Variants in NLGN1 observed in about 807,000 individuals in gnomAD.
NLGN1 encodes the protein neuroligin-1.
In NLGN1, 12 loss-of-function variants were observed where a neutral mutation model predicts 65.5. The observed-to-expected ratio is 0.18, with a 90% CI of 0.12 to 0.30. The LOEUF (loss-of-function observed/expected upper bound fraction) is 0.30. Ranked by LOEUF, NLGN1 falls within the 10% of genes least tolerant of loss-of-function variation. The pLI, the probability that NLGN1 is intolerant of heterozygous loss-of-function variation, is 1.00. For missense variants in NLGN1, 750 were observed against 1,007.1 expected (o/e 0.74, Z 3.46); for synonymous variants, 350 against 359.5 (o/e 0.97, Z 0.30).
At chr3:174,108,532 A>G (rs1354892141) in intron 4 of NLGN1, among the ~76,000 whole-genome samples, 2 of 152,006 alleles carry the variant, frequency 1.3e-5, no homozygotes, top group Non-Finnish European at 2.9e-5. Context: ...AAAAAAAATT[A>G]TTCAGGAACT....
chr3:173,591,898 C>A (rs990746551), intron 2 of NLGN1, among the ~76,000 whole-genome samples: 27 of 152,264 alleles, frequency 1.8e-4, no homozygotes, highest in Non-Finnish European at 3.5e-4. Flanking sequence ...CAAAGGTGGC[C>A]CCTTCCAGAC....
chr3:174,201,204 C>G (rs1734387803), intron 4 of NLGN1, among the ~76,000 whole-genome samples: 1 of 151,446 alleles, frequency 6.6e-6, no homozygotes, highest in African/African-American at 2.4e-5. Flanking sequence ...GATTGCACCA[C>G]TGCACTCCAG....
At position 174,154,846 on chromosome 3, in the gene NLGN1, T is replaced by C. The variant is rs891587130; in HGVS notation, c.647-120469T>C. Among the ~76,000 whole-genome samples the C allele has an allele frequency of 2.7e-3, 394 of 146,138 alleles. 4 individuals carry two copies. The highest frequency in any genetic ancestry group is 9.6e-3 in the African/African-American group (379 of 39,556). On this transcript the variant is annotated intron_variant, in intron 4 of 6. Coordinates refer to ENST00000457714, the Ensembl canonical transcript of NLGN1. The stretch of plus-strand genomic sequence containing the variant: ...TAGATATATAGATATTGTAGATAGA[T>C]ATATTGTAGATAGATATAGTATATA...
intron 4 of NLGN1, among the ~76,000 whole-genome samples, chr3:173,945,220 G>T (rs1320685555): frequency 6.6e-6 from 1 of 151,968 alleles, no homozygotes; most frequent in Non-Finnish European, 1.5e-5. Context: ...TCCCTTTAGA[G>T]GGGGTGGTGG....
chr3:173,542,769 C>T (rs1272131158), intron 2 of NLGN1, among the ~76,000 whole-genome samples: 1 of 151,982 alleles, frequency 6.6e-6, no homozygotes, highest in Non-Finnish European at 1.5e-5. Context: ...ATACAGTTGT[C>T]TTTTATATTT....
At chr3:173,536,224 G>A (rs1442676041) in intron 2 of NLGN1, among the ~76,000 whole-genome samples, 1 of 152,144 alleles carries the variant, frequency 6.6e-6, no homozygotes, top group Non-Finnish European at 1.5e-5. Context: ...CTTCCAAGAG[G>A]TGATCAGGCA....
chr3:174,233,380 G>A (rs1741091362), intron 4 of NLGN1, among the ~76,000 whole-genome samples: 1 of 151,966 alleles, frequency 6.6e-6, no homozygotes, highest in Non-Finnish European at 1.5e-5. Context: ...CAGCTACTCA[G>A]GAGGCTGAGG....
intron 4 of NLGN1, among the ~76,000 whole-genome samples, chr3:173,893,277 A>C (rs1735692062): frequency 6.6e-6 from 1 of 152,172 alleles, no homozygotes; most frequent in South Asian, 2.1e-4. Flanking sequence ...GTGGTGGTTA[A>C]GAGCATAGCT....
At chr3:173,822,290 A>G (rs747434823) in intron 4 of NLGN1, among the ~76,000 whole-genome samples, 8 of 152,168 alleles carry the variant, frequency 5.3e-5, no homozygotes, top group Admixed American at 2.0e-4. Context: ...CTACCTATTC[A>G]GAGTCAGCAT....
At chr3:173,960,379 C>A (rs1464241222) in intron 4 of NLGN1, among the ~76,000 whole-genome samples, 1 of 151,798 alleles carries the variant, frequency 6.6e-6, no homozygotes, top group African/African-American at 2.4e-5. Context: ...ATATATTATT[C>A]CCACTGTTAT....
chr3:174,045,829 A>G (rs1378029248), intron 4 of NLGN1, among the ~76,000 whole-genome samples: 1 of 152,184 alleles, frequency 6.6e-6, no homozygotes, highest in Non-Finnish European at 1.5e-5. Flanking sequence ...CAGAGTAAGT[A>G]TGGAAAGCTG....
exon 7 of NLGN1, chr3:174,283,781 G>C (rs1415803501): frequency 6.6e-6 from 1 of 151,310 alleles, no homozygotes; most frequent in Non-Finnish European, 1.5e-5. Flanking sequence ...TGACTGAGGT[G>C]GTTATGCTTT....
intron 2 of NLGN1, among the ~76,000 whole-genome samples, chr3:173,574,577 A>T (rs1438651115): frequency 6.6e-6 from 1 of 152,152 alleles, no homozygotes; most frequent in Non-Finnish European, 1.5e-5. Flanking sequence ...TAAGGCAGGC[A>T]CCTTACTAAA....
chr3:173,957,990 T>A (rs1472422066), intron 4 of NLGN1, among the ~76,000 whole-genome samples: 1 of 152,164 alleles, frequency 6.6e-6, no homozygotes, highest in Non-Finnish European at 1.5e-5. Context: ...AGATGCTGGC[T>A]CCCTGTGAGG....
chr3:173,667,426 C>T (rs1321547487), intron 3 of NLGN1, among the ~76,000 whole-genome samples: 2 of 151,996 alleles, frequency 1.3e-5, no homozygotes, highest in African/African-American at 4.8e-5. Context: ...CAGAGATTTA[C>T]CCAACACACC....
At chr3:173,568,098 C>A (rs1014249654) in intron 2 of NLGN1, among the ~76,000 whole-genome samples, 1 of 151,982 alleles carries the variant, frequency 6.6e-6, no homozygotes, top group East Asian at 1.9e-4. Flanking sequence ...TCTTTAGTGA[C>A]AACACTTAAA....
intron 4 of NLGN1, among the ~76,000 whole-genome samples, chr3:173,868,266 A>T (rs1167660839): frequency 1.3e-5 from 2 of 152,166 alleles, no homozygotes; most frequent in African/African-American, 4.8e-5. Flanking sequence ...TGGGAATTGG[A>T]TGACCAAGAT....
chr3:173,754,953 G>A (rs889887687), intron 3 of NLGN1, among the ~76,000 whole-genome samples: 3 of 152,036 alleles, frequency 2.0e-5, no homozygotes, highest in Non-Finnish European at 2.9e-5. Context: ...ACCATGAAAT[G>A]CCATCTAAAG....
intron 4 of NLGN1, among the ~76,000 whole-genome samples, chr3:174,111,526 T>A (rs182823122): frequency 2.3e-4 from 35 of 152,060 alleles, no homozygotes; most frequent in African/African-American, 8.2e-4. Flanking sequence ...ATATATTAAA[T>A]TTATATTGAA....
Sources: allele counts gnomAD v4.1 joint callset (sites outside exome capture counted in the v4.1 genomes callset), GRCh38; gene constraint gnomAD v4.1.1; transcripts MANE v1.5; gene names NCBI Gene and HGNC (gene_info 2026-07-23, HGNC 2026-07-21).